CNTNAP2: variants seen among roughly 807,000 people sequenced by gnomAD.
The protein encoded by CNTNAP2 is contactin associated protein 2, also known as contactin-associated protein-like 2.
Under a neutral mutation model 155.2 loss-of-function variants are expected in CNTNAP2, and 98 were observed. The ratio of observed to expected loss-of-function variants is 0.63; its 90% CI spans 0.54 to 0.75. The LOEUF is 0.75. Among genes scored for constraint, CNTNAP2 ranks in the 30% least tolerant of loss-of-function variants. The pLI is 0.00. For synonymous variants in CNTNAP2, 651 were observed against 631.2 expected (o/e 1.03, Z -0.47); for missense variants, 1,727 against 1,688.1 (o/e 1.02, Z -0.40).
chr7:146,649,998 A>G (rs1462144873), intron 1 of CNTNAP2, among the ~76,000 whole-genome samples: 1 of 152,196 alleles, frequency 6.6e-6, no homozygotes, highest in Non-Finnish European at 1.5e-5. Flanking sequence ...GTGATCATCA[A>G]AATGTCAGGA....
At chr7:148,161,777 C>T (rs772877879) in intron 17 of CNTNAP2, among the ~76,000 whole-genome samples, 1 of 152,216 alleles carries the variant, frequency 6.6e-6, no homozygotes, top group Non-Finnish European at 1.5e-5. Flanking sequence ...ACTTCTTGCT[C>T]TTATTTAACA....
intron 10 of CNTNAP2, among the ~76,000 whole-genome samples, chr7:147,412,174 A>T (rs183684737): frequency 6.6e-6 from 1 of 152,094 alleles, no homozygotes; most frequent in African/African-American, 2.4e-5. Flanking sequence ...TAAGAAAAAG[A>T]CCCAGATCCT....
At chr7:146,660,626 T>C (rs960973437) in intron 1 of CNTNAP2, among the ~76,000 whole-genome samples, 1 of 152,226 alleles carries the variant, frequency 6.6e-6, no homozygotes, top group Non-Finnish European at 1.5e-5. Context: ...TATAACACTA[T>C]CTCAATAAAT....
At chr7:147,746,708 A>G (rs1032802667) in intron 13 of CNTNAP2, among the ~76,000 whole-genome samples, 8 of 152,112 alleles carry the variant, frequency 5.3e-5, no homozygotes, top group Non-Finnish European at 8.8e-5. Flanking sequence ...TGCTGTGGTT[A>G]CCACCCCAAC....
intron 2 of CNTNAP2, among the ~76,000 whole-genome samples, chr7:146,805,006 ATTTAT>A (rs1259906530): frequency 6.6e-6 from 1 of 152,136 alleles, no homozygotes; most frequent in Non-Finnish European, 1.5e-5. Flanking sequence ...TGGCTCAAAC[ATTTAT>A]TTTAGTTGCT....
chr7:146,797,551 G>T (rs2129190660), intron 2 of CNTNAP2, among the ~76,000 whole-genome samples: 1 of 152,318 alleles, frequency 6.6e-6, no homozygotes, highest in Non-Finnish European at 1.5e-5. Flanking sequence ...ACCACTAATA[G>T]CTGTTTCAAG....
At chr7:146,792,422 G>A (rs539351027) in intron 2 of CNTNAP2, among the ~76,000 whole-genome samples, 10 of 152,180 alleles carry the variant, frequency 6.6e-5, no homozygotes, top group East Asian at 1.9e-4. Flanking sequence ...GGTGAAATAC[G>A]GACCAAGATA....
At chr7:148,061,100 A>G (rs879303152) in intron 15 of CNTNAP2, among the ~76,000 whole-genome samples, 1 of 152,216 alleles carries the variant, frequency 6.6e-6, no homozygotes, top group Non-Finnish European at 1.5e-5. Context: ...AGGTGTAAGA[A>G]GTATTGATCA....
At chr7:147,925,148 AGAGAGAGAAG>A (rs1187514518) in intron 14 of CNTNAP2, among the ~76,000 whole-genome samples, 2 of 103,918 alleles carry the variant, frequency 1.9e-5, no homozygotes, top group East Asian at 5.3e-4. Context: ...AGAGAGAGAG[AGAGAGAGAAG>A]GAAGGAAGGA....
chr7:147,603,639 A>G (rs1801001815), intron 12 of CNTNAP2, among the ~76,000 whole-genome samples: 1 of 152,196 alleles, frequency 6.6e-6, no homozygotes, highest in African/African-American at 2.4e-5. Flanking sequence ...GAAAATGGCC[A>G]TACTGCCCAA....
intron 1 of CNTNAP2, among the ~76,000 whole-genome samples, chr7:146,732,687 G>A (rs544451016): frequency 3.9e-5 from 6 of 152,140 alleles, no homozygotes; most frequent in Middle Eastern, 6.8e-3. Context: ...GGGGGAATTG[G>A]TTCCATGACC....
chr7:147,608,131 G>A (rs1486007970), intron 12 of CNTNAP2, among the ~76,000 whole-genome samples: 2 of 151,272 alleles, frequency 1.3e-5, no homozygotes, highest in African/African-American at 4.9e-5. Context: ...AAGCTCCCAT[G>A]CTCACGACTC....
At chr7:147,547,877 T>A (rs560928994) in intron 11 of CNTNAP2, among the ~76,000 whole-genome samples, 1 of 152,070 alleles carries the variant, frequency 6.6e-6, no homozygotes, top group Non-Finnish European at 1.5e-5. Flanking sequence ...TCTTTTCCTG[T>A]GTTAGTTTGC....
At chr7:146,546,873 C>A (rs1798037241) in intron 1 of CNTNAP2, among the ~76,000 whole-genome samples, 1 of 151,904 alleles carries the variant, frequency 6.6e-6, no homozygotes, top group South Asian at 2.1e-4. Context: ...TCAATTACCT[C>A]CCACTGGGTC....
At chr7:147,797,988 C>T (rs993047926) in intron 13 of CNTNAP2, among the ~76,000 whole-genome samples, 7 of 152,134 alleles carry the variant, frequency 4.6e-5, no homozygotes, top group Non-Finnish European at 5.9e-5. Flanking sequence ...CTTTTATATT[C>T]GTGTCTCTAT....
At chr7:147,588,301 G>GA (rs749956624) in intron 12 of CNTNAP2, among the ~76,000 whole-genome samples, 9 of 152,106 alleles carry the variant, frequency 5.9e-5, no homozygotes, top group Non-Finnish European at 8.8e-5. Context: ...CCCAGGAGAA[G>GA]ATGGGATCAT....
intron 1 of CNTNAP2, among the ~76,000 whole-genome samples, chr7:146,584,853 C>A (rs1342947843): frequency 6.6e-6 from 1 of 152,142 alleles, no homozygotes; most frequent in East Asian, 1.9e-4. Context: ...TAGGCTGGGT[C>A]AGATTCTTAT....
intron 14 of CNTNAP2, among the ~76,000 whole-genome samples, chr7:147,914,065 A>AT (rs1800116133): frequency 6.6e-6 from 1 of 152,170 alleles, no homozygotes; most frequent in African/African-American, 2.4e-5. Flanking sequence ...CAAAAAAAAA[A>AT]AATAACCTGT....
At chr7:146,163,585 C>CTATCTATA (rs1354076042) in intron 1 of CNTNAP2, among the ~76,000 whole-genome samples, 14 of 91,224 alleles carry the variant, frequency 1.5e-4, no homozygotes, top group African/African-American at 4.8e-4. Context: ...ATCTATCTAT[C>CTATCTATA]TATATATATA....
Sources: allele counts gnomAD v4.1 joint callset (sites outside exome capture counted in the v4.1 genomes callset), GRCh38; gene constraint gnomAD v4.1.1; transcripts MANE v1.5; gene names NCBI Gene and HGNC (gene_info 2026-07-23, HGNC 2026-07-21).